Variants in DHX32 observed in about 807,000 individuals in gnomAD.
The protein encoded by DHX32 is putative pre-mRNA-splicing factor ATP-dependent RNA helicase DHX32.
Under a neutral mutation model 70.0 loss-of-function variants are expected in DHX32, and 51 were observed. That is an observed-to-expected ratio of 0.73 (90% CI 0.58 to 0.92). The LOEUF (loss-of-function observed/expected upper bound fraction) is 0.92, where lower values mean the gene tolerates loss of function less well. DHX32 is among the 40% of genes least tolerant of loss of function. DHX32 has a pLI of 0.00. For missense variants in DHX32, 762 were observed against 891.8 expected, an observed-to-expected ratio of 0.85 and a Z score of 1.85; for synonymous variants, 310 against 315.3, an observed-to-expected ratio of 0.98 and a Z score of 0.18.
rs377329748 is a variant in DHX32 at position 125,842,049 on chromosome 10, A to G, written c.1352-115T>C. 10 of 1,321,440 alleles carry G rather than the reference A, an allele frequency of 7.6e-6. No individual in the cohort carries two copies. The East Asian group carries it at 1.4e-4, about 18-fold the overall frequency. 81.9% of individuals were successfully genotyped at this position (1,321,440 alleles called of 1,614,324 possible). A position where few individuals can be genotyped will look rare whatever the true frequency, so the allele number is the denominator to read the frequency against. On this transcript the variant is annotated intron_variant, in intron 6 of 10. Coordinates refer to ENST00000284690, the MANE Select transcript of DHX32 (RefSeq NM_018180.3). ...GCAAACAATGGACAAAATATGTGAA[A>G]CAACGGTTTGCAAGCCACCAAATAC...
At chr10:125,876,812 A>C (rs1265630241) in intron 1 of DHX32, among the ~76,000 whole-genome samples, 1 of 152,196 alleles carries the variant, frequency 6.6e-6, no homozygotes, top group Non-Finnish European at 1.5e-5. Flanking sequence ...CCAGAAAAAC[A>C]ATTTTTTTCA....
At chr10:125,882,221 T>C (rs572620361), upstream of DHX32, among the ~76,000 whole-genome samples, 2 of 152,290 alleles carry the variant, frequency 1.3e-5, no homozygotes, top group African/African-American at 4.8e-5. Flanking sequence ...CCTTTTCACA[T>C]TAACCAGATA....
intron 3 of DHX32, among the ~76,000 whole-genome samples, chr10:125,855,657 A>T (rs1473464237): frequency 6.6e-6 from 1 of 152,012 alleles, no homozygotes; most frequent in Non-Finnish European, 1.5e-5. Context: ...TCACCGTGTT[A>T]GCCAGGATGG....
chr10:125,855,819 T>C (rs963576033), intron 3 of DHX32, among the ~76,000 whole-genome samples: 3 of 152,206 alleles, frequency 2.0e-5, no homozygotes, highest in African/African-American at 7.2e-5. Flanking sequence ...AAAATAATTA[T>C]GGCCACTAAT....
chr10:125,869,884 GAAGA>G (rs1163190454), intron 1 of DHX32, among the ~76,000 whole-genome samples: 2 of 152,172 alleles, frequency 1.3e-5, no homozygotes, highest in African/African-American at 2.4e-5. Context: ...TAATTGAAAA[GAAGA>G]GAGAGAAAGG....
Position 125,836,348 on chromosome 10 carries a change from A to G in DHX32, c.*339T>C, listed in dbSNP as rs1854683882. On this transcript the variant is annotated 3_prime_UTR_variant, in exon 11 of 11. Coordinates refer to ENST00000284690, the MANE Select transcript of DHX32 (RefSeq NM_018180.3). ...AAACTCAGTGGAGATTTACTGAAAA[A>G]CTCAGACTTTATTCAGATTAAGTTC... is the stretch of plus-strand genomic sequence containing the variant. 3.7e-6 allele frequency: 6 copies of G among 1,607,120 alleles called. No individual in the cohort carries two copies. The South Asian group carries it at 6.7e-5, about 18-fold the overall frequency.
Position 125,859,774 on chromosome 10 carries a change from A to G in DHX32, c.678T>C (p.Asn226=). 1 of 1,614,102 alleles carries G rather than the reference A, an allele frequency of 6.2e-7. No individual in the cohort carries two copies. ...NSSPHLISKL[N]SYYGNVPVIE... ...TGACAGGCACGTTTCCATAATAAGA[A>G]TTGAGTTTGCTGATCAGGTGAGGTG... Residue 226 remains asparagine, a synonymous_variant, in exon 3 of 11, where the codon AAT becomes AAC. Transcript: ENST00000284690.
Position 125,859,906 on chromosome 10 carries a change from G to C in DHX32, c.546C>G (p.Ile182Met), listed in dbSNP as rs1443542378. 2.5e-6 allele frequency: 4 copies of C among 1,613,716 alleles called. No individual in the cohort carries two copies. Among genetic ancestry groups the C allele is most frequent in the Non-Finnish European group, 2.5e-6 (3 of 1,179,884 alleles). ...SNPFLGSYGV[I>M]ILDDIHERSI... ...TTCTTTCATGAATATCATCTAAGAT[G>C]ATGACCCCATAGCTACCCAAAAAAG... is the stretch of plus-strand genomic sequence containing the variant. The change falls in exon 3 of 11, where the codon ATC (isoleucine) becomes ATG (methionine). Residue 182 changes from isoleucine (I) to methionine (M), a missense_variant. Physicochemically the swap from Ile to Met is conservative, Grantham distance 10. Coordinates refer to ENST00000284690, the MANE Select transcript of DHX32 (RefSeq NM_018180.3).
At chr10:125,847,360 A>T (rs919297717) in intron 6 of DHX32, among the ~76,000 whole-genome samples, 4 of 152,218 alleles carry the variant, frequency 2.6e-5, no homozygotes, top group Non-Finnish European at 1.5e-5. Context: ...GAGCTGGATT[A>T]CTAGTGCTTG....
chr10:125,839,205 A>G lies in DHX32; in HGVS notation c.1694-17T>C, dbSNP rs928567272. ...CCACACAGTCTAGGAGGGAAAGAACACAAGGCTATTTAGAAATGATTTGTC... is the reference window on the plus strand; with the variant it reads ...CCACACAGTCTAGGAGGGAAAGAACGCAAGGCTATTTAGAAATGATTTGTC... On this transcript the variant is annotated splice_polypyrimidine_tract_variant and intron_variant, in intron 8 of 10. Coordinates refer to ENST00000284690, the MANE Select transcript of DHX32 (RefSeq NM_018180.3). 1.2e-6 allele frequency: 2 copies of G among 1,610,148 alleles called. No homozygotes were observed. The highest frequency in any genetic ancestry group is 1.7e-6 in the Non-Finnish European group (2 of 1,177,330).
At position 125,880,970 on chromosome 10, in the gene DHX32, T is replaced by TA; in HGVS notation, c.-147dup. 1 of 979,724 alleles carries TA rather than the reference T, an allele frequency of 1.0e-6. No homozygotes were observed. Among genetic ancestry groups the TA allele is most frequent in the Non-Finnish European group, 1.5e-6 (1 of 674,072 alleles). The allele number at this position is 979,724 out of a possible 1,614,324, so 60.7% of individuals were successfully genotyped here. Reference sequence around the variant, plus strand: ...ACTTCAGTTCAAGGTTTTAGCAAGTTAAATTCCTCAAACCTGCATCTGTTC... The same window carrying TA: ...ACTTCAGTTCAAGGTTTTAGCAAGTTAAAATTCCTCAAACCTGCATCTGTTC... On this transcript the variant is annotated 5_prime_UTR_variant, in exon 1 of 11. Coordinates refer to ENST00000284690, the MANE Select transcript of DHX32 (RefSeq NM_018180.3).
At chr10:125,842,042 A>G in intron 6 of DHX32, 108 bp from the exon 7 acceptor site, 2 of 1,339,738 alleles carry the variant, frequency 1.5e-6, no homozygotes, top group Non-Finnish European at 9.7e-7. Context: ...TGGACAAAAT[A>G]TGTGAAACAA....
intron 1 of DHX32, among the ~76,000 whole-genome samples, chr10:125,892,983 C>T (rs78310359): frequency 1.3e-5 from 2 of 152,128 alleles, no homozygotes; most frequent in South Asian, 4.1e-4. Flanking sequence ...TGAAGACCAC[C>T]ATGTGCTAAA....
At chr10:125,846,171 C>T (rs1032839616) in intron 6 of DHX32, among the ~76,000 whole-genome samples, 9 of 152,196 alleles carry the variant, frequency 5.9e-5, no homozygotes, top group African/African-American at 2.2e-4. Flanking sequence ...TACCAACGGT[C>T]TCCACTCCCA....
chr10:125,878,048 G>C lies in DHX32; in HGVS notation c.282+2495C>G, dbSNP rs148993717. On this transcript the variant is annotated intron_variant, in intron 1 of 10. Transcript: ENST00000284690. The stretch of plus-strand genomic sequence containing the variant: ...ACTGGTTGCTTGCTTTAAAACTTAA[G>C]AGTAAAATATGGATCTCACTTGAAC... Among the ~76,000 whole-genome samples the C allele has an allele frequency of 4.5e-4, 68 of 152,284 alleles. 1 individual carries two copies. The East Asian group carries it at 8.5e-3, about 19-fold the overall frequency.
chr10:125,841,373 A>C (rs745405994), intron 7 of DHX32: 1 of 1,613,240 alleles, frequency 6.2e-7, no homozygotes, highest in Non-Finnish European at 8.5e-7. Context: ...AAAACATACA[A>C]GCCAGGATGA....
At chr10:125,893,349 T>C (rs1012289146) in intron 1 of DHX32, among the ~76,000 whole-genome samples, 1 of 152,198 alleles carries the variant, frequency 6.6e-6, no homozygotes, top group Non-Finnish European at 1.5e-5. Context: ...GTTCACGCCA[T>C]TCTCCTGGCT....
intron 6 of DHX32, among the ~76,000 whole-genome samples, chr10:125,847,546 A>C (rs1205952082): frequency 3.9e-5 from 6 of 152,202 alleles, no homozygotes; most frequent in Admixed American, 3.3e-4. Context: ...AGAGGTCCCC[A>C]AACTTTTTGG....
chr10:125,853,736 G>T, intron 4 of DHX32: 1 of 492,164 alleles, frequency 2.0e-6, no homozygotes, highest in Non-Finnish European at 3.5e-6. Context: ...TTTCTCCTTT[G>T]GCAGCTCAAT....
Sources: gnomAD v4.1 joint callset for allele counts (sites outside exome capture counted in the v4.1 genomes callset) on GRCh38, gnomAD v4.1.1 for gene constraint, MANE v1.5 for transcripts, NCBI Gene and HGNC (gene_info 2026-07-23, HGNC 2026-07-21) for gene names.